Variants in DLG2 observed in about 807,000 individuals in gnomAD.
DLG2 encodes the protein disks large homolog 2.
In DLG2, 45 loss-of-function variants were observed where a neutral mutation model predicts 132.5. The ratio of observed to expected loss-of-function variants is 0.34; its 90% CI spans 0.27 to 0.44. The LOEUF (loss-of-function observed/expected upper bound fraction) is 0.44, where lower values mean the gene tolerates loss of function less well. Among genes scored for constraint, DLG2 ranks in the 20% least tolerant of loss-of-function variants. The pLI is 1.00. For synonymous variants in DLG2, 424 were observed against 419.6 expected, an observed-to-expected ratio of 1.01 and a Z score of -0.13; for missense variants, 1,045 against 1,196.9, an observed-to-expected ratio of 0.87 and a Z score of 1.87.
chr11:83,962,542 C>T (rs1045364992), intron 14 of DLG2, among the ~76,000 whole-genome samples: 3 of 152,080 alleles, frequency 2.0e-5, no homozygotes, highest in Non-Finnish European at 4.4e-5. Flanking sequence ...TGGCATGCTA[C>T]TTCCTTCCTT....
intron 8 of DLG2, among the ~76,000 whole-genome samples, chr11:84,163,865 A>G (rs1452721179): frequency 2.0e-5 from 3 of 152,194 alleles, no homozygotes; most frequent in Non-Finnish European, 2.9e-5. Context: ...TGTTTTTTAA[A>G]AAATGTTATG....
At chr11:84,720,027 G>C (rs1235339636) in intron 6 of DLG2, among the ~76,000 whole-genome samples, 2 of 152,016 alleles carry the variant, frequency 1.3e-5, no homozygotes, top group African/African-American at 4.8e-5. Flanking sequence ...AGCCACCCAA[G>C]GTGCCCCATT....
chr11:85,492,547 T>G (rs1427869346), intron 3 of DLG2, among the ~76,000 whole-genome samples: 5 of 152,214 alleles, frequency 3.3e-5, no homozygotes, highest in Non-Finnish European at 7.4e-5. Flanking sequence ...TCCATTTATA[T>G]TTAACATTTT....
At chr11:83,683,205 C>A (rs1377056302) in intron 18 of DLG2, among the ~76,000 whole-genome samples, 1 of 152,180 alleles carries the variant, frequency 6.6e-6, no homozygotes, top group Admixed American at 6.6e-5. Context: ...TAGCTAATAT[C>A]TATTGAACAC....
chr11:84,030,695 T>C (rs965854396), intron 11 of DLG2, among the ~76,000 whole-genome samples: 1 of 152,150 alleles, frequency 6.6e-6, no homozygotes, highest in African/African-American at 2.4e-5. Flanking sequence ...TAAATCCAGA[T>C]AGTTGCCTCC....
chr11:83,824,166 G>T (rs1438122667), intron 17 of DLG2, among the ~76,000 whole-genome samples: 2 of 152,086 alleles, frequency 1.3e-5, no homozygotes, highest in Non-Finnish European at 2.9e-5. Flanking sequence ...TTCAATAAAG[G>T]TTAGGCATTT....
At chr11:84,238,389 C>T (rs866676308) in intron 8 of DLG2, among the ~76,000 whole-genome samples, 13 of 152,046 alleles carry the variant, frequency 8.6e-5, no homozygotes, top group Admixed American at 3.3e-4. Flanking sequence ...GTGGCACACG[C>T]CTGTAGTCCC....
At chr11:83,971,590 C>T (rs2091353744) in intron 12 of DLG2, among the ~76,000 whole-genome samples, 1 of 152,024 alleles carries the variant, frequency 6.6e-6, no homozygotes, top group South Asian at 2.1e-4. Context: ...GCAGGAATAT[C>T]AGTATGGTGG....
At chr11:84,644,774 G>C (rs2099672541) in intron 6 of DLG2, among the ~76,000 whole-genome samples, 1 of 151,954 alleles carries the variant, frequency 6.6e-6, no homozygotes, top group Non-Finnish European at 1.5e-5. Flanking sequence ...AAAGAAAATG[G>C]GGAGTGTGGG....
chr11:85,270,705 T>G (rs2077475184), intron 4 of DLG2, among the ~76,000 whole-genome samples: 2 of 152,166 alleles, frequency 1.3e-5, no homozygotes, highest in South Asian at 4.1e-4. Context: ...AGGAACTTGT[T>G]GGGAACTGGA....
intron 3 of DLG2, among the ~76,000 whole-genome samples, chr11:85,418,612 G>A (rs1023928686): frequency 7.2e-5 from 11 of 152,246 alleles, no homozygotes; most frequent in Non-Finnish European, 1.2e-4. Context: ...CTTGATTTAC[G>A]AATCTCAGTG....
At chr11:83,887,787 G>C (rs1477933465) in intron 15 of DLG2, among the ~76,000 whole-genome samples, 1 of 150,724 alleles carries the variant, frequency 6.6e-6, no homozygotes, top group African/African-American at 2.5e-5. Flanking sequence ...ATGCAAGGCT[G>C]GTTCAATATA....
chr11:83,607,499 G>A (rs1254650675), intron 19 of DLG2, among the ~76,000 whole-genome samples: 2 of 152,076 alleles, frequency 1.3e-5, no homozygotes, highest in African/African-American at 2.4e-5. Flanking sequence ...GTCCATCCAC[G>A]ACAGAGTCTT....
intron 6 of DLG2, among the ~76,000 whole-genome samples, chr11:85,087,270 G>T (rs915375522): frequency 6.6e-6 from 1 of 152,168 alleles, no homozygotes; most frequent in Non-Finnish European, 1.5e-5. Context: ...AAGTAATTAG[G>T]AGTATGAGAG....
intron 6 of DLG2, among the ~76,000 whole-genome samples, chr11:84,633,327 C>G (rs2099635314): frequency 6.6e-6 from 1 of 152,118 alleles, no homozygotes; most frequent in Non-Finnish European, 1.5e-5. Flanking sequence ...CCACACTTAA[C>G]TACCAGCCAT....
At chr11:84,680,218 C>A (rs148251286) in intron 6 of DLG2, among the ~76,000 whole-genome samples, 26 of 152,288 alleles carry the variant, frequency 1.7e-4, no homozygotes, top group African/African-American at 6.3e-4. Flanking sequence ...ACACTCCAAT[C>A]ATCTTCAAAG....
At chr11:85,494,080 T>A (rs1364904626) in intron 3 of DLG2, among the ~76,000 whole-genome samples, 3 of 152,078 alleles carry the variant, frequency 2.0e-5, no homozygotes, top group Admixed American at 1.3e-4. Context: ...ACCCCTTATA[T>A]AAGGATACTA....
chr11:83,867,947 C>T (rs979583401), intron 16 of DLG2, among the ~76,000 whole-genome samples: 8 of 151,478 alleles, frequency 5.3e-5, no homozygotes, highest in South Asian at 2.1e-4. Flanking sequence ...GGATGTCTTA[C>T]GGAGTAAGGA....
intron 6 of DLG2, among the ~76,000 whole-genome samples, chr11:84,538,733 G>A (rs2099361325): frequency 6.6e-6 from 1 of 152,096 alleles, no homozygotes. Flanking sequence ...GGAGGAGACT[G>A]GAAGGCAGAT....
Sources: allele counts gnomAD v4.1 joint callset (sites outside exome capture counted in the v4.1 genomes callset), GRCh38; gene constraint gnomAD v4.1.1; transcripts MANE v1.5; gene names NCBI Gene and HGNC (gene_info 2026-07-23, HGNC 2026-07-21).